Variants in ZAN observed in about 807,000 individuals in gnomAD.
ZAN encodes the protein zonadhesin, also known as zonadhesin (gene/pseudogene).
In ZAN, 260 loss-of-function variants were observed where a neutral mutation model predicts 286.2. The observed-to-expected ratio is 0.91, with a 90% confidence interval of 0.82 to 1.01. ZAN has a LOEUF of 1.01. Ranked by LOEUF, ZAN falls within the 50% of genes least tolerant of loss-of-function variation. The probability of loss-of-function intolerance (pLI) is 0.00; values close to 1 mark genes in which losing one functional copy is unlikely to be tolerated. For missense variants in ZAN, 3,410 were observed against 3,639.2 expected (o/e 0.94, Z 1.62); for synonymous variants, 1,368 against 1,417.5 (o/e 0.97, Z 0.79).
intron 15 of ZAN, among the ~76,000 whole-genome samples, chr7:100,757,944 G>T (rs539676000): frequency 2.7e-5 from 4 of 150,278 alleles, no homozygotes; most frequent in Admixed American, 1.3e-4. Flanking sequence ...AAAAAAGTCG[G>T]GCATGGTGGC....
intron 38 of ZAN, 135 bp downstream of exon 38, chr7:100,788,271 C>T: frequency 7.9e-7 from 1 of 1,272,330 alleles, no homozygotes; most frequent in East Asian, 2.6e-5. Flanking sequence ...TCAGAGTCAG[C>T]AGGACGCAGT....
In ZAN at chr7:100,792,334, C is replaced by T. The variant is rs73411177; in HGVS notation, c.7713-71C>T. The stretch of plus-strand genomic sequence containing the variant: ...GTCTTTCTGTTTGGGGTTCCAGGCT[C>T]TCTTCTGCAGGGGTGGGTCTCCTCC... On this transcript the variant is annotated intron_variant, in intron 41 of 47. Coordinates refer to ENST00000613979, the MANE Select transcript of ZAN (RefSeq NM_003386.3). The T allele has an allele frequency of 2.5e-3, 3,798 of 1,527,784 alleles. 92 individuals are homozygous for T. In the African/African-American group the frequency reaches 0.046, roughly 19 times the overall value. The allele number at this position is 1,527,784 out of a possible 1,614,324, so 94.6% of individuals were successfully genotyped here. A position where few individuals can be genotyped will look rare whatever the true frequency, so the allele number is the denominator to read the frequency against.
intron 26 of ZAN, 92 bp from the exon 27 acceptor site, chr7:100,768,518 A>T (rs1219911788): frequency 9.4e-7 from 1 of 1,059,742 alleles, no homozygotes; most frequent in African/African-American, 1.6e-5. Context: ...GCTATGTAGA[A>T]TGAAAAGTGA....
In ZAN at chr7:100,789,255, A is replaced by C. The variant is rs368216838; in HGVS notation, c.7265A>C (p.Asn2422Thr). The C allele has an allele frequency of 6.2e-7, 1 of 1,613,916 alleles. No individual in the cohort carries two copies. Among genetic ancestry groups the C allele is most frequent in the Non-Finnish European group, 8.5e-7 (1 of 1,179,862 alleles). ...AAGATGGCCGTCCCCTACAGGCCAA[A>C]TGAACACCTGCGGGTCACCCTGTGG... ...NQKMAVPYRP[N>T]EHLRVTLWGQ... Residue 2422 changes from asparagine to threonine, a missense_variant, in exon 39 of 48, where the codon AAT (asparagine) becomes ACT (threonine). Transcript: ENST00000613979.
At chr7:100,777,967 C>T (rs189301360) in intron 34 of ZAN, among the ~76,000 whole-genome samples, 79 of 152,228 alleles carry the variant, frequency 5.2e-4, no homozygotes, top group African/African-American at 1.8e-3. Context: ...TGCTAGAACC[C>T]ACTTGAGGAA....
chr7:100,749,627 G>A (rs1203761255), intron 11 of ZAN, among the ~76,000 whole-genome samples: 47 of 130,140 alleles, frequency 3.6e-4, no homozygotes, highest in Admixed American at 7.3e-4. Flanking sequence ...GTGACAGAGT[G>A]AGACTCCGTC....
At position 100,737,178 on chromosome 7, in the gene ZAN, C is replaced by A; in HGVS notation, c.526-84C>A. 3 of 1,419,856 alleles carry A rather than the reference C, an allele frequency of 2.1e-6. 1 individual carries two copies. The highest frequency in any genetic ancestry group is 2.9e-6 in the Non-Finnish European group (3 of 1,039,736). 88.0% of individuals were successfully genotyped at this position (1,419,856 alleles called of 1,614,324 possible). A position where few individuals can be genotyped will look rare whatever the true frequency, so the allele number is the denominator to read the frequency against. On this transcript the variant is annotated intron_variant, in intron 5 of 47. Coordinates refer to ENST00000613979, the MANE Select transcript of ZAN (RefSeq NM_003386.3). The stretch of plus-strand genomic sequence containing the variant: ...GCAAAAAGGGATTGTGGGGGCCAAG[C>A]CATCTGAATTCAGGAAGAAAACTAG...
At position 100,735,629 on chromosome 7, in the gene ZAN, G is replaced by A. The variant is rs574772776; in HGVS notation, c.54-91G>A. On this transcript the variant is annotated intron_variant, in intron 2 of 47. Coordinates refer to ENST00000613979, the MANE Select transcript of ZAN (RefSeq NM_003386.3). Reference sequence around the variant, plus strand: ...CTGCATAAACACTGATCATCCTTACGTGACCACTCAGAAAGCTCACAGTCA... The same window carrying A: ...CTGCATAAACACTGATCATCCTTACATGACCACTCAGAAAGCTCACAGTCA... 7 of 1,010,662 alleles carry A rather than the reference G, an allele frequency of 6.9e-6. 1 individual carries two copies. Among genetic ancestry groups the A allele is most frequent in the South Asian group, 1.4e-5 (1 of 71,636 alleles). The allele number at this position is 1,010,662 out of a possible 1,614,324, so 62.6% of individuals were successfully genotyped here.
chr7:100,782,352 G>C (rs1811246914), intron 35 of ZAN, among the ~76,000 whole-genome samples: 1 of 152,010 alleles, frequency 6.6e-6, no homozygotes, highest in African/African-American at 2.4e-5. Flanking sequence ...TTGTTTGTTT[G>C]AGACAGAGTC....
rs1032014573 is a variant in ZAN, at chr7:100,736,306, C to T, written c.107-177C>T. 9.8e-5 allele frequency among the ~76,000 whole-genome samples: 14 copies of T among 142,404 alleles called. 3 individuals carry two copies. The highest frequency in any genetic ancestry group is 1.3e-4 in the Non-Finnish European group (8 of 63,316). 93.4% of individuals were successfully genotyped at this position (142,404 alleles called of 152,430 possible). On this transcript the variant is annotated intron_variant, in intron 3 of 47. Coordinates refer to ENST00000613979, the MANE Select transcript of ZAN (RefSeq NM_003386.3). ...GCAAAGTCCGCCTCCTGGGTTCAAG[C>T]GATTCTCTTGCCTCAGCCTCCCCAG...
Position 100,752,171 on chromosome 7 carries a change from C to A in ZAN, c.2066C>A (p.Pro689His). ...AAACCCAGCATCCCTACAGAAAAACCCAGCATCCCCACGGAAAAACCCACC... is the reference window on the plus strand; with the variant it reads ...AAACCCAGCATCCCTACAGAAAAACACAGCATCCCCACGGAAAAACCCACC... ...TEKPSIPTEK[P>H]SIPTEKPTIS... Residue 689 changes from proline (P) to histidine (H), a missense_variant, in exon 14 of 48, where the codon CCC becomes CAC. Physicochemically the swap from Pro to His is moderately conservative, Grantham distance 77. Around this residue, in one of 7 missense-constraint regions of ZAN, gnomAD observed 872 missense variants for 938.9 expected, o/e 0.93. Coordinates refer to ENST00000613979, the MANE Select transcript of ZAN (RefSeq NM_003386.3). 1 of 1,612,446 alleles carries A rather than the reference C, an allele frequency of 6.2e-7. No homozygotes were observed. Among genetic ancestry groups the A allele is most frequent in the East Asian group, 2.2e-5 (1 of 44,758 alleles).
chr7:100,767,016 C>T lies in ZAN; in HGVS notation c.4619C>T (p.Ala1540Val). Residue 1540 changes from alanine (A) to valine (V), a missense_variant, in exon 25 of 48, where the codon GCC becomes GTC. Physicochemically the swap from Ala to Val is moderately conservative, Grantham distance 64. Coordinates refer to ENST00000613979, the MANE Select transcript of ZAN (RefSeq NM_003386.3). Reference sequence around the variant, plus strand: ...TCCATCTTCTTCTCCACAGGTGCCGCCACCTGCACAGCCTCGGGTGACCCC... The same window carrying T: ...TCCATCTTCTTCTCCACAGGTGCCGTCACCTGCACAGCCTCGGGTGACCCC... ...GIYGCHAQGA[A>V]TCTASGDPHY... 6.2e-7 allele frequency: 1 copy of T among 1,613,826 alleles called. No homozygotes were observed. Among genetic ancestry groups the T allele is most frequent in the South Asian group, 1.1e-5 (1 of 91,056 alleles).
intron 15 of ZAN, among the ~76,000 whole-genome samples, chr7:100,756,253 G>A (rs1809140145): frequency 6.6e-6 from 1 of 151,910 alleles, no homozygotes; most frequent in African/African-American, 2.4e-5. Flanking sequence ...ATAAATATAT[G>A]CAACCTATTA....
chr7:100,779,533 C>G lies in ZAN; in HGVS notation c.6405C>G (p.Arg2135=). ...GAAACTGCAGGGCGGCCGACCTCCG[C>G]AGGGCGCGGGAAAAGTGCGAGGCAG... ...PSGNCRAADL[R]RAREKCEAAL... Residue 2135 remains arginine, a synonymous_variant, in exon 35 of 48, where the codon CGC becomes CGG. Coordinates refer to ENST00000613979, the MANE Select transcript of ZAN (RefSeq NM_003386.3). 2 of 1,612,614 alleles carry G rather than the reference C, an allele frequency of 1.2e-6. No homozygotes were observed. Among genetic ancestry groups the G allele is most frequent in the East Asian group, 4.5e-5 (2 of 44,834 alleles).
chr7:100,747,503 C>T (rs761509750), intron 8 of ZAN, 47 bp from the exon 9 acceptor site: 20 of 1,570,896 alleles, frequency 1.3e-5, no homozygotes, highest in Non-Finnish European at 8.8e-7. Context: ...AAAGTCGTTT[C>T]CCAGTCCCCT....
chr7:100,773,774 C>T lies in ZAN; in HGVS notation c.5688C>T (p.Ser1896=), dbSNP rs144009891. The T allele has an allele frequency of 1.1e-4, 171 of 1,612,158 alleles. No homozygotes were observed. The highest frequency in any genetic ancestry group is 2.1e-4 in the African/African-American group (16 of 75,014). ...CCTGCACCAGGCTCTGCACCTGCTC[C>T]GTCCACAACAACATCACCTGCTTCC... is the stretch of plus-strand genomic sequence containing the variant. ...ENTCTRLCTC[S]VHNNITCFQS... is the part of the protein sequence containing the mutation. Residue 1896 remains serine (S), a synonymous_variant, in exon 31 of 48, where the codon TCC becomes TCT. Transcript: ENST00000613979.
rs375625422 is a variant in ZAN at position 100,797,353 on chromosome 7, C to T, written c.8267-13C>T. 5.3e-5 allele frequency: 85 copies of T among 1,613,236 alleles called. No homozygotes were observed. Among genetic ancestry groups the T allele is most frequent in the Non-Finnish European group, 1.0e-5 (12 of 1,179,414 alleles). ...TCACGTTCGACCTAATGTCTCTTCC[C>T]CGCACCCAGAAGCATCTAACCTGGT... On this transcript the variant is annotated splice_polypyrimidine_tract_variant and intron_variant, in intron 45 of 47. Coordinates refer to ENST00000613979, the MANE Select transcript of ZAN (RefSeq NM_003386.3).
chr7:100,775,673 A>C lies in ZAN; in HGVS notation c.6032A>C (p.Asn2011Thr), dbSNP rs780964930. 1 of 1,613,828 alleles carries C rather than the reference A, an allele frequency of 6.2e-7. No homozygotes were observed. Among genetic ancestry groups the C allele is most frequent in the South Asian group, 1.1e-5 (1 of 91,066 alleles). ...CGTCACTGTCCTCCTGTTTAGATCA[A>C]CAGCAAACAGGTCACCCTCCCCGCC... ...TLQKGHRVLINSKQVTLPAIS... is the reference protein window; with the variant it reads ...TLQKGHRVLITSKQVTLPAIS... Residue 2011 changes from asparagine (N) to threonine (T), a missense_variant, in exon 33 of 48, where the codon AAC becomes ACC. Physicochemically the swap from Asn to Thr is moderately conservative, Grantham distance 65. Coordinates refer to ENST00000613979, the MANE Select transcript of ZAN (RefSeq NM_003386.3).
chr7:100,755,515 T>C, intron 15 of ZAN, 105 bp downstream of exon 15: 1 of 1,344,604 alleles, frequency 7.4e-7, no homozygotes, highest in East Asian at 2.3e-5. Flanking sequence ...GATCACCGGA[T>C]AGTCCCAAGG....
Sources: gnomAD v4.1 joint callset for allele counts (sites outside exome capture counted in the v4.1 genomes callset) on GRCh38, gnomAD v4.1.1 for gene constraint, gnomAD v4.1.1 regional missense constraint, MANE v1.5 for transcripts, NCBI Gene and HGNC (gene_info 2026-07-23, HGNC 2026-07-21) for gene names.